The following HDAC9 variants were observed in gnomAD, a reference collection of about 807,000 sequenced individuals.
The protein encoded by HDAC9 is histone deacetylase 9.
Under a neutral mutation model 139.4 loss-of-function variants are expected in HDAC9, and 41 were observed. The observed-to-expected ratio is 0.29, with a 90% CI of 0.23 to 0.38. HDAC9 has a LOEUF of 0.38. Ranked by LOEUF, HDAC9 falls within the 10% of genes least tolerant of loss-of-function variation. The probability of loss-of-function intolerance (pLI) is 1.00; values close to 1 mark genes in which losing one functional copy is unlikely to be tolerated. For synonymous variants in HDAC9, 517 were observed against 476.2 expected (o/e 1.09, Z -1.12); for missense variants, 1,147 against 1,297.0 (o/e 0.88, Z 1.78).
intron 13 of HDAC9, among the ~76,000 whole-genome samples, chr7:18,734,042 G>A (rs541725738): frequency 6.6e-6 from 1 of 151,892 alleles, no homozygotes; most frequent in Non-Finnish European, 1.5e-5. Context: ...CCTATTTCAC[G>A]TATACCTTGT....
At chr7:18,815,011 A>T (rs1455517763) in intron 17 of HDAC9, among the ~76,000 whole-genome samples, 1 of 152,192 alleles carries the variant, frequency 6.6e-6, no homozygotes, top group Non-Finnish European at 1.5e-5. Flanking sequence ...CATCTATTGT[A>T]GTAAAATATG....
intron 25 of HDAC9, among the ~76,000 whole-genome samples, chr7:18,984,935 G>A (rs1290964962): frequency 6.6e-6 from 1 of 152,054 alleles, no homozygotes; most frequent in East Asian, 1.9e-4. Flanking sequence ...GTTTGCTTTT[G>A]TTGGGCTTTT....
At chr7:18,368,674 T>C (rs1198779963) in intron 1 of HDAC9, among the ~76,000 whole-genome samples, 1 of 152,094 alleles carries the variant, frequency 6.6e-6, no homozygotes, top group East Asian at 1.9e-4. Context: ...CTTTCCATTA[T>C]CTAAGCTTTA....
At chr7:18,324,073 A>C (rs1037860248) in intron 1 of HDAC9, among the ~76,000 whole-genome samples, 2 of 151,970 alleles carry the variant, frequency 1.3e-5, no homozygotes, top group African/African-American at 4.8e-5. Flanking sequence ...CCCCACGTCC[A>C]AATACAATCA....
At chr7:18,529,766 G>T (rs1396252061) in intron 2 of HDAC9, among the ~76,000 whole-genome samples, 12 of 152,076 alleles carry the variant, frequency 7.9e-5, no homozygotes, top group Non-Finnish European at 1.8e-4. Flanking sequence ...ATTCACCAAT[G>T]TTTAAAATCT....
chr7:18,089,315 T>C (rs1034344369), intron 1 of HDAC9, among the ~76,000 whole-genome samples: 12 of 152,200 alleles, frequency 7.9e-5, no homozygotes, highest in African/African-American at 2.9e-4. Flanking sequence ...AGAGAGTGTT[T>C]AGCACATTAA....
chr7:18,697,662 C>G (rs555826641), intron 12 of HDAC9, among the ~76,000 whole-genome samples: 2 of 152,276 alleles, frequency 1.3e-5, no homozygotes, highest in Admixed American at 6.5e-5. Flanking sequence ...TCAAATGGCT[C>G]TTATCCCTTG....
At chr7:18,907,180 TGGA>T (rs1454380649) in intron 22 of HDAC9, 4 of 152,160 alleles carry the variant, frequency 2.6e-5, no homozygotes, top group Non-Finnish European at 5.9e-5. Flanking sequence ...ATGCAGAGCA[TGGA>T]AAGGTGTATT....
intron 2 of HDAC9, among the ~76,000 whole-genome samples, chr7:18,182,138 C>G (rs1243720334): frequency 6.6e-6 from 1 of 152,120 alleles, no homozygotes; most frequent in African/African-American, 2.4e-5. Flanking sequence ...TCTCCTTTTG[C>G]TGAGACTTTC....
chr7:18,448,736 G>C (rs1792526552), intron 1 of HDAC9, among the ~76,000 whole-genome samples: 1 of 152,026 alleles, frequency 6.6e-6, no homozygotes, highest in Non-Finnish European at 1.5e-5. Context: ...AATTTGCAAA[G>C]TCAAATTGTG....
chr7:18,718,533 G>A (rs1410068966), intron 12 of HDAC9, among the ~76,000 whole-genome samples: 1 of 152,092 alleles, frequency 6.6e-6, no homozygotes, highest in Non-Finnish European at 1.5e-5. Context: ...GTGCCTGGCA[G>A]GTGTGTGGTC....
intron 2 of HDAC9, among the ~76,000 whole-genome samples, chr7:18,227,621 A>G (rs950488602): frequency 1.3e-5 from 2 of 152,166 alleles, no homozygotes; most frequent in African/African-American, 4.8e-5. Flanking sequence ...ACCCTTCCCA[A>G]TTTACACCAG....
chr7:18,433,913 A>G (rs1450696710), intron 1 of HDAC9, among the ~76,000 whole-genome samples: 1 of 152,234 alleles, frequency 6.6e-6, no homozygotes, highest in Non-Finnish European at 1.5e-5. Flanking sequence ...ATTGGGGAAA[A>G]AAAATCCTAA....
At chr7:18,968,925 C>CG (rs1784064988) in intron 24 of HDAC9, among the ~76,000 whole-genome samples, 1 of 130,274 alleles carries the variant, frequency 7.7e-6, no homozygotes, top group Non-Finnish European at 1.6e-5. Flanking sequence ...CGCCATTGCA[C>CG]TCCAGCCTGG....
chr7:18,353,553 A>C (rs1783020015), intron 1 of HDAC9, among the ~76,000 whole-genome samples: 1 of 152,168 alleles, frequency 6.6e-6, no homozygotes, highest in African/African-American at 2.4e-5. Context: ...TCCTGAAGCT[A>C]CTGTGGCAAC....
chr7:18,990,814 G>C (rs1785847653), intron 25 of HDAC9, among the ~76,000 whole-genome samples: 1 of 152,210 alleles, frequency 6.6e-6, no homozygotes, highest in African/African-American at 2.4e-5. Context: ...TGATTTTCCA[G>C]GTGCCGTCTG....
intron 22 of HDAC9, among the ~76,000 whole-genome samples, chr7:18,933,259 G>T (rs928222034): frequency 2.6e-4 from 39 of 152,136 alleles, no homozygotes; most frequent in African/African-American, 7.0e-4. Context: ...GCCAAGTAAA[G>T]ACTTGGACCC....
At chr7:18,636,841 T>C (rs921020022) in intron 8 of HDAC9, among the ~76,000 whole-genome samples, 1 of 151,048 alleles carries the variant, frequency 6.6e-6, no homozygotes, top group Non-Finnish European at 1.5e-5. Context: ...TGCAACTATT[T>C]AGTAAATTTC....
intron 25 of HDAC9, among the ~76,000 whole-genome samples, chr7:18,990,788 T>G (rs565322769): frequency 1.3e-5 from 2 of 152,354 alleles, no homozygotes; most frequent in South Asian, 2.1e-4. Flanking sequence ...AGCGCAGTAT[T>G]TGGGTGGGAG....
Sources: gnomAD v4.1 joint callset for allele counts (sites outside exome capture counted in the v4.1 genomes callset) on GRCh38, gnomAD v4.1.1 for gene constraint, MANE v1.5 for transcripts, NCBI Gene and HGNC (gene_info 2026-07-23, HGNC 2026-07-21) for gene names.